TMEM232: variants seen among roughly 807,000 people sequenced by gnomAD.
TMEM232 encodes transmembrane protein 232.
Under a neutral mutation model 78.8 loss-of-function variants are expected in TMEM232, and 80 were observed. The ratio of observed to expected loss-of-function variants is 1.01; its 90% CI spans 0.85 to 1.22. The LOEUF is 1.22. Among genes scored for constraint, TMEM232 ranks in the 50% most tolerant of loss-of-function variants. TMEM232 has a pLI of 0.00. For synonymous variants in TMEM232, 297 were observed against 254.3 expected (o/e 1.17, Z -1.60); for missense variants, 881 against 742.2 (o/e 1.19, Z -2.17).
At chr5:110,664,996 T>G (rs1473969850) in intron 2 of TMEM232, among the ~76,000 whole-genome samples, 1 of 152,210 alleles carries the variant, frequency 6.6e-6, no homozygotes, top group South Asian at 2.1e-4. Context: ...GAGATTATAC[T>G]CTACTCTTTG....
chr5:110,689,673 G>A (rs1300158675), intron 1 of TMEM232, among the ~76,000 whole-genome samples: 1 of 152,100 alleles, frequency 6.6e-6, no homozygotes. Flanking sequence ...GGCCCATATA[G>A]CCAAGACAAT....
chr5:110,536,845 A>G (rs953776335), intron 11 of TMEM232, among the ~76,000 whole-genome samples: 4 of 152,150 alleles, frequency 2.6e-5, no homozygotes, highest in African/African-American at 9.7e-5. Context: ...ACTGATGTAC[A>G]ATCTAATGTG....
intron 10 of TMEM232, among the ~76,000 whole-genome samples, chr5:110,588,629 C>A (rs1185437205): frequency 6.6e-6 from 1 of 152,024 alleles, no homozygotes; most frequent in Admixed American, 6.6e-5. Context: ...TTTTGGTTGC[C>A]TCCAGGGCAC....
chr5:110,706,687 A>T (rs897341454), intron 1 of TMEM232, among the ~76,000 whole-genome samples: 1 of 152,194 alleles, frequency 6.6e-6, no homozygotes, highest in African/African-American at 2.4e-5. Context: ...TCCTCAAGGC[A>T]TCTCAGCAAT....
At chr5:110,469,567 C>T (rs1762447567) in intron 12 of TMEM232, among the ~76,000 whole-genome samples, 1 of 152,132 alleles carries the variant, frequency 6.6e-6, no homozygotes, top group South Asian at 2.1e-4. Context: ...TAAAGCTGTG[C>T]ATTCCCTCCT....
intron 1 of TMEM232, among the ~76,000 whole-genome samples, chr5:110,714,979 C>T (rs1796871042): frequency 6.6e-6 from 1 of 151,974 alleles, no homozygotes; most frequent in Non-Finnish European, 1.5e-5. Context: ...ATGACAAGAG[C>T]TAGAGAATAG....
intron 12 of TMEM232, among the ~76,000 whole-genome samples, chr5:110,438,755 T>C (rs1431170479): frequency 6.6e-6 from 1 of 152,114 alleles, no homozygotes; most frequent in Non-Finnish European, 1.5e-5. Flanking sequence ...AACGACAGTT[T>C]ATCATTAACA....
intron 2 of TMEM232, among the ~76,000 whole-genome samples, chr5:110,650,921 C>G (rs896897363): frequency 6.6e-6 from 1 of 152,102 alleles, no homozygotes; most frequent in African/African-American, 2.4e-5. Context: ...TAGGGAAACT[C>G]TCTGTACTAT....
intron 10 of TMEM232, among the ~76,000 whole-genome samples, chr5:110,578,876 T>TA (rs1758921626): frequency 6.6e-6 from 1 of 151,788 alleles, no homozygotes; most frequent in Non-Finnish European, 1.5e-5. Context: ...AAACCAGTAG[T>TA]AAAAGCAGAA....
At chr5:110,445,361 AT>A (rs1269708957) in intron 12 of TMEM232, among the ~76,000 whole-genome samples, 1 of 152,156 alleles carries the variant, frequency 6.6e-6, no homozygotes, top group African/African-American at 2.4e-5. Context: ...CTATGAAGCC[AT>A]TATTACATTC....
chr5:110,661,570 C>G (rs1789803030), intron 2 of TMEM232, among the ~76,000 whole-genome samples: 1 of 152,128 alleles, frequency 6.6e-6, no homozygotes, highest in Non-Finnish European at 1.5e-5. Context: ...ACTGGGCCTC[C>G]CAAAATGCTG....
intron 2 of TMEM232, among the ~76,000 whole-genome samples, chr5:110,403,836 G>A (rs901937422): frequency 6.6e-6 from 1 of 151,972 alleles, no homozygotes; most frequent in East Asian, 1.9e-4. Context: ...GTGGGGTGGG[G>A]TGGGGAGCAA....
At chr5:110,439,939 G>C (rs1758848312) in intron 12 of TMEM232, among the ~76,000 whole-genome samples, 1 of 152,078 alleles carries the variant, frequency 6.6e-6, no homozygotes, top group African/African-American at 2.4e-5. Context: ...TTTCATCAAT[G>C]CCATAGCAGA....
intron 2 of TMEM232, among the ~76,000 whole-genome samples, chr5:110,659,190 T>A (rs1789472436): frequency 6.6e-6 from 1 of 152,136 alleles, no homozygotes; most frequent in African/African-American, 2.4e-5. Flanking sequence ...AAATTAATAA[T>A]CATAATAATT....
intron 12 of TMEM232, among the ~76,000 whole-genome samples, chr5:110,525,802 TA>T (rs1284337219): frequency 6.6e-6 from 1 of 151,222 alleles, no homozygotes; most frequent in African/African-American, 2.4e-5. Context: ...AACTATATAT[TA>T]AAATGTATTA....
At chr5:110,687,469 C>G (rs2150208353) in intron 1 of TMEM232, among the ~76,000 whole-genome samples, 3 of 152,160 alleles carry the variant, frequency 2.0e-5, no homozygotes, top group South Asian at 4.1e-4. Context: ...ACATAAATCT[C>G]CTAATCATTT....
intron 1 of TMEM232, among the ~76,000 whole-genome samples, chr5:110,698,514 G>C (rs1353643942): frequency 6.6e-6 from 1 of 152,096 alleles, no homozygotes; most frequent in Non-Finnish European, 1.5e-5. Context: ...ATAGTCGGCA[G>C]AATTCCAGCC....
chr5:110,732,166 C>T (rs1798731198), intron 2 of TMEM232, among the ~76,000 whole-genome samples: 1 of 152,134 alleles, frequency 6.6e-6, no homozygotes, highest in Non-Finnish European at 1.5e-5. Flanking sequence ...CATCTGAGAC[C>T]ACCTCAGCCT....
chr5:110,687,504 C>T (rs1179404055), intron 1 of TMEM232, among the ~76,000 whole-genome samples: 1 of 152,018 alleles, frequency 6.6e-6, no homozygotes, highest in South Asian at 2.1e-4. Context: ...CCTTTCAGAC[C>T]CTTTAATTTC....
Sources: allele counts gnomAD v4.1 joint callset (sites outside exome capture counted in the v4.1 genomes callset), GRCh38; gene constraint gnomAD v4.1.1; transcripts MANE v1.5; gene names NCBI Gene and HGNC (gene_info 2026-07-23, HGNC 2026-07-21).